COBLL1: variants seen among roughly 807,000 people sequenced by gnomAD.
The protein encoded by COBLL1 is cordon-bleu WH2 repeat protein like 1.
Under a neutral mutation model 94.8 loss-of-function variants are expected in COBLL1, and 50 were observed. The observed-to-expected ratio is 0.53, with a 90% CI of 0.42 to 0.67. The LOEUF (loss-of-function observed/expected upper bound fraction) is 0.67. COBLL1 is among the 30% of genes least tolerant of loss of function. The pLI, the probability that COBLL1 is intolerant of heterozygous loss-of-function variation, is 0.00. For missense variants in COBLL1, 1,362 were observed against 1,348.7 expected, an observed-to-expected ratio of 1.01 and a Z score of -0.15; for synonymous variants, 448 against 473.8, an observed-to-expected ratio of 0.95 and a Z score of 0.71.
chr2:164,680,217 CTTT>C lies in COBLL1; in HGVS notation c.*5726_*5728del, dbSNP rs1251430607. 6.6e-6 allele frequency: 1 copy of C among 151,922 alleles called. No individual in the cohort carries two copies. Among genetic ancestry groups the C allele is most frequent in the African/African-American group, 2.4e-5 (1 of 41,362 alleles). The allele number at this position is 151,922 out of a possible 1,614,324, so 9.4% of individuals were successfully genotyped here. A position where few individuals can be genotyped will look rare whatever the true frequency, so the allele number is the denominator to read the frequency against. ...AGTGTCTCAATAATTTATTTATTGA[CTTT>C]ATTATAATTTCAAACATGCAGACAA... On this transcript the variant is annotated 3_prime_UTR_variant, in exon 14 of 14. Coordinates refer to ENST00000652658, the MANE Select transcript of COBLL1 (RefSeq NM_001365672.2).
chr2:164,805,342 T>TAAATATATATGTATAAATATATATAC lies in COBLL1; in HGVS notation c.41+35813_41+35814insGTATATATATTTATACATATATATTT. On this transcript the variant is annotated intron_variant, in intron 2 of 13. Transcript: ENST00000652658. ...CTCTCTCTCTCTCTCTCTCTCTATA[T>TAAATATATATGTATAAATATATATAC]ATATATATATATATATATATAAAAC... Among the ~76,000 whole-genome samples, 2 of 87,660 alleles carry TAAATATATATGTATAAATATATATAC rather than the reference T, an allele frequency of 2.3e-5. 1 individual carries two copies. Among genetic ancestry groups the TAAATATATATGTATAAATATATATAC allele is most frequent in the African/African-American group, 9.4e-5 (2 of 21,238 alleles). 57.5% of individuals were successfully genotyped at this position (87,660 alleles called of 152,430 possible).
intron 3 of COBLL1, among the ~76,000 whole-genome samples, chr2:164,733,188 T>C (rs1686111910): frequency 6.6e-6 from 1 of 152,236 alleles, no homozygotes; most frequent in Non-Finnish European, 1.5e-5. Context: ...TTTTGATTTT[T>C]TTAAAAAGAA....
intron 2 of COBLL1, among the ~76,000 whole-genome samples, chr2:164,816,107 T>A (rs1324691553): frequency 6.6e-6 from 1 of 151,820 alleles, no homozygotes; most frequent in Non-Finnish European, 1.5e-5. Context: ...AGAGTTAAAG[T>A]ATCATGAAAG....
At chr2:164,823,874 T>A (rs534033960) in intron 2 of COBLL1, among the ~76,000 whole-genome samples, 2 of 152,268 alleles carry the variant, frequency 1.3e-5, no homozygotes, top group African/African-American at 4.8e-5. Flanking sequence ...ACGGAAAACT[T>A]TCACATCTAA....
intron 3 of COBLL1, chr2:164,743,455 T>C (rs1222732066): frequency 2.5e-6 from 1 of 403,908 alleles, no homozygotes; most frequent in East Asian, 4.2e-5. Flanking sequence ...ATGAAAGGGT[T>C]CCAAATTTCA....
chr2:164,791,676 G>A (rs1234802267), intron 2 of COBLL1, among the ~76,000 whole-genome samples: 1 of 152,078 alleles, frequency 6.6e-6, no homozygotes, highest in African/African-American at 2.4e-5. Context: ...ATGCCACCAT[G>A]TGTAGTGCTG....
intron 2 of COBLL1, among the ~76,000 whole-genome samples, chr2:164,813,262 T>C (rs1346373460): frequency 6.6e-6 from 1 of 152,128 alleles, no homozygotes; most frequent in Non-Finnish European, 1.5e-5. Flanking sequence ...AATTTTGGTT[T>C]AATCAACAAA....
chr2:164,673,485 G>A (rs1691282268), intron 1 of COBLL1, among the ~76,000 whole-genome samples: 1 of 152,070 alleles, frequency 6.6e-6, no homozygotes, highest in Admixed American at 6.6e-5. Flanking sequence ...GACCACCCTG[G>A]CCAACATGGT....
At chr2:164,667,831 C>T (rs866539913) in intron 1 of COBLL1, among the ~76,000 whole-genome samples, 1 of 152,138 alleles carries the variant, frequency 6.6e-6, no homozygotes, top group African/African-American at 2.4e-5. Context: ...AATAAGGCTG[C>T]TTTGCTTTCT....
intron 2 of COBLL1, among the ~76,000 whole-genome samples, chr2:164,665,370 G>T (rs2105384290): frequency 6.8e-6 from 1 of 146,774 alleles, no homozygotes; most frequent in Admixed American, 6.8e-5. Context: ...AAGAAAGAAT[G>T]AATAGCTACT....
chr2:164,742,868 A>AGAGC (rs1044873703), intron 3 of COBLL1, among the ~76,000 whole-genome samples: 1 of 152,046 alleles, frequency 6.6e-6, no homozygotes, highest in Admixed American at 6.6e-5. Flanking sequence ...AGAGAGAGAG[A>AGAGC]GAGCGAGCGA....
chr2:164,818,059 G>C (rs1684867029), intron 2 of COBLL1, among the ~76,000 whole-genome samples: 2 of 150,696 alleles, frequency 1.3e-5, no homozygotes. Context: ...TATTCCACTG[G>C]AAAACACACA....
Position 164,694,344 on chromosome 2 carries a change from T to G in COBLL1, c.3048A>C (p.Pro1016=). ...GAGTCTTCCCTTCCTCTGTGTTGGCTGGAGGTTGGACCAATGCACTGGCAC... is the reference window on the plus strand; with the variant it reads ...GAGTCTTCCCTTCCTCTGTGTTGGCGGGAGGTTGGACCAATGCACTGGCAC... ...SPSASALVQP[P]ANTEEGKTHS... The change falls in exon 12 of 14, where the codon CCA becomes CCC. Residue 1016 remains proline, a synonymous_variant. Coordinates refer to ENST00000652658, the MANE Select transcript of COBLL1 (RefSeq NM_001365672.2). 1 of 1,614,014 alleles carries G rather than the reference T, an allele frequency of 6.2e-7. No homozygotes were observed. The highest frequency in any genetic ancestry group is 8.5e-7 in the Non-Finnish European group (1 of 1,179,906).
intron 2 of COBLL1, among the ~76,000 whole-genome samples, chr2:164,835,036 G>GA (rs1436919034): frequency 6.6e-6 from 1 of 151,212 alleles, no homozygotes; most frequent in Non-Finnish European, 1.5e-5. Context: ...TACTTTTGGT[G>GA]AATGTAAAAT....
Position 164,686,047 on chromosome 2 carries a change from C to A in COBLL1, c.3301-15G>T. On this transcript the variant is annotated splice_polypyrimidine_tract_variant and intron_variant, in intron 13 of 13. Coordinates refer to ENST00000652658, the MANE Select transcript of COBLL1 (RefSeq NM_001365672.2). ...GGAATGGTAACCTAAGAGAAAGAAA[C>A]ACACTTTGCACCCATCAATTTAAAA... 1 of 1,444,000 alleles carries A rather than the reference C, an allele frequency of 6.9e-7. No individual in the cohort carries two copies. 89.4% of individuals were successfully genotyped at this position (1,444,000 alleles called of 1,614,324 possible).
At chr2:164,706,228 GCAACATTAAACAAAGCTGAC>G (rs1684593096) in intron 7 of COBLL1, among the ~76,000 whole-genome samples, 1 of 152,038 alleles carries the variant, frequency 6.6e-6, no homozygotes, top group South Asian at 2.1e-4. Context: ...AGACCTATTA[GCAACATTAAACAAAGCTGAC>G]CACCCTCCTA....
intron 1 of COBLL1, among the ~76,000 whole-genome samples, chr2:164,669,670 G>A (rs1453162965): frequency 1.3e-5 from 2 of 152,142 alleles, no homozygotes; most frequent in African/African-American, 2.4e-5. Context: ...AAAAGGATAG[G>A]CCATCTATCT....
At chr2:164,704,915 C>T (rs1684502283) in intron 8 of COBLL1, 37 bp downstream of exon 8, 1 of 1,512,480 alleles carries the variant, frequency 6.6e-7, no homozygotes, top group Non-Finnish European at 8.9e-7. Context: ...AAACAAAACA[C>T]AATACAAATG....
chr2:164,697,645 G>T (rs1409935066), intron 11 of COBLL1: 1 of 151,952 alleles, frequency 6.6e-6, no homozygotes, highest in Non-Finnish European at 1.5e-5. Flanking sequence ...TTGAATCCCC[G>T]TTTAAAAACC....
Sources: gnomAD v4.1 joint callset for allele counts (sites outside exome capture counted in the v4.1 genomes callset) on GRCh38, gnomAD v4.1.1 for gene constraint, MANE v1.5 for transcripts, NCBI Gene and HGNC (gene_info 2026-07-23, HGNC 2026-07-21) for gene names.